Variants in DHRSX observed in about 807,000 individuals in gnomAD.
DHRSX encodes the protein polyprenol dehydrogenase.
In DHRSX, 31 loss-of-function variants were observed where a neutral mutation model predicts 34.0. That is an observed-to-expected ratio of 0.91 (90% confidence interval 0.69 to 1.23). The LOEUF (loss-of-function observed/expected upper bound fraction) is 1.23. Among genes scored for constraint, DHRSX ranks in the 50% most tolerant of loss-of-function variants. The pLI is 0.00. For synonymous variants in DHRSX, 201 were observed against 183.8 expected, an observed-to-expected ratio of 1.09 and a Z score of -0.76; for missense variants, 414 against 428.1, an observed-to-expected ratio of 0.97 and a Z score of 0.29.
intron 2 of DHRSX, among the ~76,000 whole-genome samples, chrX:2,411,554 C>CA (rs774788900): frequency 0.093 from 5,107 of 54,774 alleles, 287 homozygotes; most frequent in African/African-American, 0.21. Flanking sequence ...AACTCTGTCC[C>CA]AAAAAAAAAA....
intron 3 of DHRSX, among the ~76,000 whole-genome samples, chrX:2,382,215 C>A (rs1411355069): frequency 6.6e-6 from 1 of 152,086 alleles, no homozygotes; most frequent in South Asian, 2.1e-4. Flanking sequence ...GAGCTGACAG[C>A]AGAATCCCTG....
intron 3 of DHRSX, among the ~76,000 whole-genome samples, chrX:2,326,001 T>G (rs1243895449): frequency 1.3e-5 from 2 of 152,174 alleles, no homozygotes; most frequent in African/African-American, 4.8e-5. Context: ...GCATTTTAAT[T>G]CCTATCCTCA....
intron 1 of DHRSX, among the ~76,000 whole-genome samples, chrX:2,444,191 T>C (rs1052271875): frequency 3.3e-5 from 5 of 152,188 alleles, no homozygotes; most frequent in Non-Finnish European, 1.5e-5. Context: ...CTAAATTTCA[T>C]TGATACATGT....
intron 5 of DHRSX, among the ~76,000 whole-genome samples, chrX:2,253,432 AGATGTCGC>A (rs2016487374): frequency 6.6e-6 from 1 of 151,780 alleles, no homozygotes; most frequent in Non-Finnish European, 1.5e-5. Context: ...CCGTGAGCCA[AGATGTCGC>A]GGCCGCACTG....
At chrX:2,488,413 G>T in intron 1 of DHRSX, 1 of 552,106 alleles carries the variant, frequency 1.8e-6, no homozygotes, top group Non-Finnish European at 3.0e-6. Flanking sequence ...GACCTCAGCT[G>T]ATCTGCCCAC....
chrX:2,452,660 G>A (rs1200994229), intron 1 of DHRSX, among the ~76,000 whole-genome samples: 2 of 150,850 alleles, frequency 1.3e-5, no homozygotes, highest in Non-Finnish European at 3.0e-5. Context: ...GTGTACGCGC[G>A]GAAGACATTC....
At chrX:2,239,642 A>G (rs1165112690) in intron 6 of DHRSX, among the ~76,000 whole-genome samples, 1 of 151,958 alleles carries the variant, frequency 6.6e-6, no homozygotes, top group Non-Finnish European at 1.5e-5. Flanking sequence ...GGTGGCGGGC[A>G]CCTGTGGTCC....
intron 3 of DHRSX, among the ~76,000 whole-genome samples, chrX:2,325,179 G>C (rs1049424720): frequency 8.5e-5 from 13 of 152,130 alleles, no homozygotes; most frequent in African/African-American, 3.1e-4. Context: ...TTGTACGGGT[G>C]AATGTCGGGA....
At chrX:2,381,682 G>A (rs2043204240) in intron 3 of DHRSX, among the ~76,000 whole-genome samples, 1 of 151,028 alleles carries the variant, frequency 6.6e-6, no homozygotes, top group Non-Finnish European at 1.5e-5. Context: ...ATGTGCATCC[G>A]CCTATTTCCC....
At chrX:2,303,358 C>T (rs1269801840) in intron 3 of DHRSX, among the ~76,000 whole-genome samples, 1 of 152,032 alleles carries the variant, frequency 6.6e-6, no homozygotes, top group East Asian at 1.9e-4. Flanking sequence ...GGATTTCTCA[C>T]GAATGGGTTA....
intron 1 of DHRSX, among the ~76,000 whole-genome samples, chrX:2,471,820 T>G (rs941694726): frequency 1.3e-5 from 2 of 152,044 alleles, no homozygotes; most frequent in African/African-American, 4.8e-5. Flanking sequence ...GGGTGGTGCA[T>G]ATACACTATG....
At chrX:2,301,051 C>T (rs1294218054) in intron 3 of DHRSX, among the ~76,000 whole-genome samples, 2 of 152,218 alleles carry the variant, frequency 1.3e-5, no homozygotes, top group Non-Finnish European at 2.9e-5. Context: ...CAGAAGGTGT[C>T]ACCGTCTGCA....
intron 5 of DHRSX, among the ~76,000 whole-genome samples, chrX:2,256,556 A>C (rs1231587952): frequency 6.6e-6 from 1 of 152,108 alleles, no homozygotes; most frequent in Admixed American, 6.5e-5. Flanking sequence ...TCGGCCTCCC[A>C]AAGTGCTTTC....
chrX:2,267,543 CA>C (rs531488800), intron 4 of DHRSX, among the ~76,000 whole-genome samples: 5,668 of 127,612 alleles, frequency 0.044, 373 homozygotes, highest in African/African-American at 0.15. Flanking sequence ...GACTCCATCT[CA>C]AAAAAAAAAA....
chrX:2,368,676 C>T (rs1364285780), intron 3 of DHRSX, among the ~76,000 whole-genome samples: 1 of 152,056 alleles, frequency 6.6e-6, no homozygotes, highest in Non-Finnish European at 1.5e-5. Flanking sequence ...ATGTCAAAAC[C>T]CCGTCTCTAC....
At chrX:2,222,037 C>T (rs1422631652) in intron 6 of DHRSX, among the ~76,000 whole-genome samples, 45 of 152,288 alleles carry the variant, frequency 3.0e-4, no homozygotes, top group Admixed American at 1.8e-3. Context: ...ATCTGGTGAA[C>T]GTATCCACCA....
At chrX:2,250,426 G>A (rs1336236351) in intron 5 of DHRSX, among the ~76,000 whole-genome samples, 1 of 152,086 alleles carries the variant, frequency 6.6e-6, no homozygotes, top group African/African-American at 2.4e-5. Context: ...AGAGCTGCTG[G>A]TGGCCTATTT....
intron 3 of DHRSX, among the ~76,000 whole-genome samples, chrX:2,359,473 C>A (rs1330260335): frequency 2.6e-5 from 4 of 152,032 alleles, no homozygotes; most frequent in African/African-American, 7.2e-5. Context: ...GTCAGGAGTT[C>A]GAGACCAGTC....
chrX:2,487,273 A>G (rs762546394), intron 1 of DHRSX: 1 of 152,326 alleles, frequency 6.6e-6, no homozygotes, highest in South Asian at 2.1e-4. Context: ...AATCAAATCA[A>G]AAACACCTTA....
Sources: gnomAD v4.1 joint callset for allele counts (sites outside exome capture counted in the v4.1 genomes callset) on GRCh38, gnomAD v4.1.1 for gene constraint, MANE v1.5 for transcripts, NCBI Gene and HGNC (gene_info 2026-07-23, HGNC 2026-07-21) for gene names.